UIMC1: variants seen among roughly 807,000 people sequenced by gnomAD.
The protein encoded by UIMC1 is BRCA1-A complex subunit RAP80.
UIMC1 carries 42 observed loss-of-function variants against 84.9 expected under a neutral mutation model. The ratio of observed to expected loss-of-function variants is 0.49; its 90% CI spans 0.39 to 0.64. The LOEUF (loss-of-function observed/expected upper bound fraction) is 0.64. Ranked by LOEUF, UIMC1 falls within the 30% of genes least tolerant of loss-of-function variation. The pLI, the probability that UIMC1 is intolerant of heterozygous loss-of-function variation, is 0.00. For synonymous variants in UIMC1, 281 were observed against 293.0 expected, an observed-to-expected ratio of 0.96 and a Z score of 0.42; for missense variants, 825 against 847.6, an observed-to-expected ratio of 0.97 and a Z score of 0.33.
At chr5:176,913,585 G>T (rs1232588090) in intron 10 of UIMC1, among the ~76,000 whole-genome samples, 1 of 152,186 alleles carries the variant, frequency 6.6e-6, no homozygotes, top group Non-Finnish European at 1.5e-5. Context: ...TTCAGTCAAG[G>T]CTGTGTTTGC....
chr5:176,981,698 G>A lies in UIMC1; in HGVS notation c.147+771C>T, dbSNP rs185056469. ...AGCCTGTAGTCCCAACTACATGGGA[G>A]GCTGAGGTGGGACCAGGAGAAGGAA... is the stretch of plus-strand genomic sequence containing the variant. On this transcript the variant is annotated intron_variant, in intron 2 of 14. Transcript: ENST00000511320. Among the ~76,000 whole-genome samples the A allele has an allele frequency of 1.5e-3, 235 of 152,164 alleles. 2 individuals are homozygous for A. The highest frequency in any genetic ancestry group is 2.6e-3 in the Non-Finnish European group (180 of 68,014).
At chr5:176,937,591 C>T (rs918608801) in intron 10 of UIMC1, among the ~76,000 whole-genome samples, 8 of 152,196 alleles carry the variant, frequency 5.3e-5, no homozygotes, top group Admixed American at 1.3e-4. Context: ...TAGACTGAGC[C>T]AACTTAACCA....
chr5:176,942,189 AGAGATATGATAT>A, intron 10 of UIMC1, among the ~76,000 whole-genome samples: 1 of 152,300 alleles, frequency 6.6e-6, no homozygotes. Flanking sequence ...GTAACTCAGC[AGAGATATGATAT>A]GTAGGACATG....
At chr5:176,940,557 T>C (rs1764285442) in intron 10 of UIMC1, among the ~76,000 whole-genome samples, 2 of 152,168 alleles carry the variant, frequency 1.3e-5, no homozygotes, top group Admixed American at 1.3e-4. Context: ...AGAATTCTTT[T>C]AGTCACTGGA....
chr5:176,994,253 G>A (rs746436417), intron 1 of UIMC1, among the ~76,000 whole-genome samples: 6 of 151,628 alleles, frequency 4.0e-5, no homozygotes, highest in Non-Finnish European at 5.9e-5. Flanking sequence ...AGAAGCAAGC[G>A]ATATTAACAA....
chr5:176,973,498 C>A (rs1209804839), intron 3 of UIMC1, among the ~76,000 whole-genome samples: 1 of 148,496 alleles, frequency 6.7e-6, no homozygotes, highest in Non-Finnish European at 1.5e-5. Context: ...TATAATTGCT[C>A]AAGTCCAGGT....
intron 1 of UIMC1, among the ~76,000 whole-genome samples, chr5:177,018,349 C>A (rs1388429825): frequency 9.5e-4 from 128 of 134,906 alleles, no homozygotes; most frequent in Middle Eastern, 3.9e-3. Flanking sequence ...GACTCTGTCT[C>A]AAAAAAAAAA....
chr5:176,977,669 G>C (rs1770340443), intron 2 of UIMC1, among the ~76,000 whole-genome samples: 1 of 151,156 alleles, frequency 6.6e-6, no homozygotes. Context: ...CAGCACTTTA[G>C]GAGGCCAAGC....
At chr5:176,924,093 G>A (rs952925781) in intron 10 of UIMC1, among the ~76,000 whole-genome samples, 7 of 151,502 alleles carry the variant, frequency 4.6e-5, no homozygotes, top group Non-Finnish European at 1.0e-4. Flanking sequence ...CGAGGCAGGT[G>A]GATCACCTGA....
At chr5:176,910,595 T>C (rs1351673577) in intron 11 of UIMC1, among the ~76,000 whole-genome samples, 2 of 152,236 alleles carry the variant, frequency 1.3e-5, no homozygotes, top group South Asian at 2.1e-4. Context: ...TCTTCTATAT[T>C]GCCCAACCTT....
At chr5:176,963,373 T>C (rs1044112156) in intron 6 of UIMC1, among the ~76,000 whole-genome samples, 8 of 151,666 alleles carry the variant, frequency 5.3e-5, no homozygotes, top group Non-Finnish European at 1.2e-4. Flanking sequence ...ATACAAAAAT[T>C]AGCCAGGCAT....
chr5:177,005,304 G>C (rs569130180), intron 1 of UIMC1, among the ~76,000 whole-genome samples: 1 of 152,062 alleles, frequency 6.6e-6, no homozygotes, highest in South Asian at 2.1e-4. Context: ...GATACTCCTG[G>C]ACTCAAGTGA....
chr5:176,906,838 C>T (rs903661838), intron 13 of UIMC1, among the ~76,000 whole-genome samples: 4 of 152,334 alleles, frequency 2.6e-5, no homozygotes, highest in African/African-American at 7.2e-5. Context: ...TGGGGCTTGT[C>T]GTATTCCCCT....
chr5:176,978,380 AT>A (rs763507056), intron 2 of UIMC1, among the ~76,000 whole-genome samples: 3 of 152,172 alleles, frequency 2.0e-5, no homozygotes, highest in South Asian at 4.1e-4. Flanking sequence ...CTCAAAAAAA[AT>A]AAAATAAAAT....
chr5:176,910,731 A>C (rs1467868307), intron 11 of UIMC1, among the ~76,000 whole-genome samples: 1 of 152,182 alleles, frequency 6.6e-6, no homozygotes, highest in East Asian at 1.9e-4. Context: ...GGGTGGCAGG[A>C]TTGCTTTTAG....
chr5:176,926,507 A>G (rs1263917849), intron 10 of UIMC1, among the ~76,000 whole-genome samples: 1 of 151,882 alleles, frequency 6.6e-6, no homozygotes, highest in Non-Finnish European at 1.5e-5. Context: ...TGTGGTGGTG[A>G]GTGCTTGCAG....
At chr5:176,970,713 C>T (rs1417230363) in intron 4 of UIMC1, 29 bp downstream of exon 4, 10 of 1,613,636 alleles carry the variant, frequency 6.2e-6, no homozygotes, top group African/African-American at 1.3e-5. Flanking sequence ...GATCAATCTC[C>T]ACAAACTTTT....
chr5:176,951,879 A>G (rs1425642984), intron 8 of UIMC1, among the ~76,000 whole-genome samples: 2 of 152,204 alleles, frequency 1.3e-5, no homozygotes, highest in African/African-American at 4.8e-5. Context: ...CAACACCCCA[A>G]AAAGTTCTCT....
rs149760108 is a variant in UIMC1, at chr5:176,988,518, G to C, written c.-8-5895C>G. Among the ~76,000 whole-genome samples, 1,386 of 152,112 alleles carry C rather than the reference G, an allele frequency of 9.1e-3. 8 individuals carry two copies. The highest frequency in any genetic ancestry group is 0.025 in the South Asian group (121 of 4,826). Reference sequence around the variant, plus strand: ...TAGTGATTACCAGAAGATGAGATAGGGGAAAATGTACAATGACTGCTTAAT... The same window carrying C: ...TAGTGATTACCAGAAGATGAGATAGCGGAAAATGTACAATGACTGCTTAAT... On this transcript the variant is annotated intron_variant, in intron 1 of 14. Coordinates refer to ENST00000511320, the MANE Select transcript of UIMC1 (RefSeq NM_001199298.2).
Sources: allele counts gnomAD v4.1 joint callset (sites outside exome capture counted in the v4.1 genomes callset), GRCh38; gene constraint gnomAD v4.1.1; transcripts MANE v1.5; gene names NCBI Gene and HGNC (gene_info 2026-07-23, HGNC 2026-07-21).